Variants in FUCA2 observed in about 807,000 individuals in gnomAD.
FUCA2 encodes the protein plasma alpha-L-fucosidase.
FUCA2 carries 41 observed loss-of-function variants against 52.6 expected under a neutral mutation model. The observed-to-expected ratio is 0.78, with a 90% CI of 0.61 to 1.01. The LOEUF (loss-of-function observed/expected upper bound fraction) is 1.01, where lower values mean the gene tolerates loss of function less well. Among genes scored for constraint, FUCA2 ranks in the 50% least tolerant of loss-of-function variants. The probability of loss-of-function intolerance (pLI) is 0.00; values close to 1 mark genes in which losing one functional copy is unlikely to be tolerated. For synonymous variants in FUCA2, 211 were observed against 217.3 expected (o/e 0.97, Z 0.26); for missense variants, 507 against 569.5 (o/e 0.89, Z 1.12).
intron 2 of FUCA2, chr6:143,506,654 G>C (rs976606054): frequency 2.6e-5 from 4 of 152,226 alleles, no homozygotes; most frequent in Admixed American, 2.6e-4. Flanking sequence ...GATTTTAAAT[G>C]TGTGGGGGTT....
chr6:143,507,572 G>T lies in FUCA2; in HGVS notation c.225-148C>A. 2 of 593,856 alleles carry T rather than the reference G, an allele frequency of 3.4e-6. No homozygotes were observed. The highest frequency in any genetic ancestry group is 5.6e-6 in the Non-Finnish European group (2 of 356,476). 36.8% of individuals were successfully genotyped at this position (593,856 alleles called of 1,614,324 possible). ...CCCATTAGTTTGACTTGGCTTTAAA[G>T]ATAGCTTATGCAAACTAAACCCCCT... On this transcript the variant is annotated intron_variant, in intron 1 of 6. Transcript: ENST00000002165. This position sits in a 1 kb window ranked among gnomAD's most constrained non-coding sequence, Gnocchi z 4.5.
rs754015493 is a variant in FUCA2 at position 143,502,030 on chromosome 6, T to A, written c.1056A>T (p.Arg352=). The change falls in exon 5 of 7, where the codon CGA becomes CGT. Residue 352 remains arginine (R), a synonymous_variant. Transcript: ENST00000002165. This position sits in a 1 kb window ranked among gnomAD's most constrained non-coding sequence, Gnocchi z 4.1. The part of the protein sequence containing the change: ...DGTISVVFEE[R]LRQMGSWLKV... ...TTAGCCAGGACCCCATTTGCCTCAG[T>A]CGCTCCTCAAAAACTACAGAAATGG... 6.2e-7 allele frequency: 1 copy of A among 1,613,894 alleles called. No homozygotes were observed. The highest frequency in any genetic ancestry group is 1.1e-5 in the South Asian group (1 of 91,056).
rs147244952 is a variant in FUCA2 at position 143,501,389 on chromosome 6, C to G, written c.1154+543G>C. The stretch of plus-strand genomic sequence containing the variant: ...TCTTATTTTATATATGTTAAGAAAC[C>G]ATATCAGAAACTGTCATATTTGTGG... On this transcript the variant is annotated intron_variant, in intron 5 of 6. Coordinates refer to ENST00000002165, the MANE Select transcript of FUCA2 (RefSeq NM_032020.5). The surrounding 1 kb of genome is among the most constrained non-coding windows in gnomAD (Gnocchi z 6.1). Among the ~76,000 whole-genome samples, 96 of 152,242 alleles carry G rather than the reference C, an allele frequency of 6.3e-4. No individual in the cohort carries two copies. The highest frequency in any genetic ancestry group is 1.2e-3 in the Non-Finnish European group (81 of 68,012).
At chr6:143,505,738 C>G (rs1780596849) in intron 2 of FUCA2, 1 of 152,202 alleles carries the variant, frequency 6.6e-6, no homozygotes, top group Admixed American at 6.5e-5. Flanking sequence ...TTGACAGGCC[C>G]TAATGTCAGA....
rs1024009191 is a variant in FUCA2 at position 143,498,683 on chromosome 6, A to C, written c.1155-1186T>G. On this transcript the variant is annotated intron_variant, in intron 5 of 6. Transcript: ENST00000002165. ...GAGCCAGATTTTATAGGCCCTTGTA[A>C]GCATCTATGGGACCTGGCCTTCTCT... 2.1e-4 allele frequency among the ~76,000 whole-genome samples: 32 copies of C among 152,128 alleles called. 1 individual carries two copies. The highest frequency in any genetic ancestry group is 1.5e-5 in the Non-Finnish European group (1 of 68,004).
At position 143,500,706 on chromosome 6, in the gene FUCA2, A is replaced by T. The variant is rs1339353575; in HGVS notation, c.1154+1226T>A. 6.6e-6 allele frequency among the ~76,000 whole-genome samples: 1 copy of T among 152,220 alleles called. No individual in the cohort carries two copies. Among genetic ancestry groups the T allele is most frequent in the Non-Finnish European group, 1.5e-5 (1 of 68,044 alleles). ...AGGTCAAGCGGACAAGACCCCTAGA[A>T]GACAGGAGGTGCAGGTAATTAGAAC... is the stretch of plus-strand genomic sequence containing the variant. On this transcript the variant is annotated intron_variant, in intron 5 of 6. Coordinates refer to ENST00000002165, the MANE Select transcript of FUCA2 (RefSeq NM_032020.5). The surrounding 1 kb of genome is among the most constrained non-coding windows in gnomAD (Gnocchi z 6.9).
Position 143,507,267 on chromosome 6 carries a change from A to G in FUCA2, c.382T>C (p.Tyr128His), listed in dbSNP as rs1017539234. The G allele has an allele frequency of 6.2e-7, 1 of 1,601,224 alleles. No homozygotes were observed. The highest frequency in any genetic ancestry group is 1.4e-5 in the African/African-American group (1 of 73,800). Residue 128 changes from tyrosine (Y) to histidine (H), a missense_variant, in exon 2 of 7, where the codon TAC becomes CAC. Physicochemically the swap from Tyr to His is moderately conservative, Grantham distance 83. Coordinates refer to ENST00000002165, the MANE Select transcript of FUCA2 (RefSeq NM_032020.5). This position sits in a 1 kb window ranked among gnomAD's most constrained non-coding sequence, Gnocchi z 4.5. ...ADIFQASGAK[Y>H]IVLTSKHHEG... ...TGATGTTTGGAAGTTAAGACAATGT[A>G]TTTGGCACCAGAGGCCTGAAAAATA... is the stretch of plus-strand genomic sequence containing the variant.
rs1381908424 is a variant in FUCA2, at chr6:143,499,219, A to G, written c.1155-1722T>C. ...CACTGGAAATAGAAATGTGGAGATCATCAATATGGCATTTAAAGCCATGAA... is the reference window on the plus strand; with the variant it reads ...CACTGGAAATAGAAATGTGGAGATCGTCAATATGGCATTTAAAGCCATGAA... On this transcript the variant is annotated intron_variant, in intron 5 of 6. Coordinates refer to ENST00000002165, the MANE Select transcript of FUCA2 (RefSeq NM_032020.5). This position sits in a 1 kb window ranked among gnomAD's most constrained non-coding sequence, Gnocchi z 6.0. Among the ~76,000 whole-genome samples the G allele has an allele frequency of 1.3e-5, 2 of 152,228 alleles. No homozygotes were observed. The highest frequency in any genetic ancestry group is 2.9e-5 in the Non-Finnish European group (2 of 68,036).
rs1780627279 is a variant in FUCA2 at position 143,507,681 on chromosome 6, T to A, written c.225-257A>T. On this transcript the variant is annotated intron_variant, in intron 1 of 6. Transcript: ENST00000002165. This position sits in a 1 kb window ranked among gnomAD's most constrained non-coding sequence, Gnocchi z 4.5. ...GGCAACTCAGCTACCCATTCTCTCT[T>A]TTTTTTAAGACAGGGTCTCACTCTG... Among the ~76,000 whole-genome samples the A allele has an allele frequency of 6.6e-6, 1 of 152,104 alleles. No individual in the cohort carries two copies.
At chr6:143,496,017 C>T (rs1177228279) in intron 6 of FUCA2, among the ~76,000 whole-genome samples, 170 bp from the exon 7 acceptor site, 1 of 152,076 alleles carries the variant, frequency 6.6e-6, no homozygotes, top group East Asian at 1.9e-4. Flanking sequence ...GTGTATGTAT[C>T]TTGCCTCTAT....
chr6:143,504,037 A>C lies in FUCA2; in HGVS notation c.628T>G (p.Leu210Val). The C allele has an allele frequency of 6.2e-7, 1 of 1,614,152 alleles. No homozygotes were observed. Among genetic ancestry groups the C allele is most frequent in the Non-Finnish European group, 8.5e-7 (1 of 1,180,018 alleles). Residue 210 changes from leucine to valine, a missense_variant, in exon 3 of 7, where the codon TTG becomes GTG. Leu to Val is a conservative substitution (Grantham distance 32). Coordinates refer to ENST00000002165, the MANE Select transcript of FUCA2 (RefSeq NM_032020.5). This position sits in a 1 kb window ranked among gnomAD's most constrained non-coding sequence, Gnocchi z 4.4. ...HKRQFPVSKT[L>V]PELYELVNNY... ...TTCACTAACTCATAGAGCTCTGGCA[A>C]TGTCTTAGAAACTGGAAATTGCCGC...
At chr6:143,505,107 G>A (rs780882120) in intron 2 of FUCA2, 9 of 152,030 alleles carry the variant, frequency 5.9e-5, no homozygotes, top group Non-Finnish European at 1.3e-4. Flanking sequence ...TGTTAGAAGA[G>A]ATATATAAAC....
rs775069179 is a variant in FUCA2, at chr6:143,507,840, T to C, written c.225-416A>G. 6.6e-6 allele frequency among the ~76,000 whole-genome samples: 1 copy of C among 152,096 alleles called. No individual in the cohort carries two copies. The highest frequency in any genetic ancestry group is 6.5e-5 in the Admixed American group (1 of 15,268). Reference sequence around the variant, plus strand: ...ACGTGCCACCACACCTGGCTATTTTTTTTTTCTTTGTAGAGATGTGGTTTC... The same window carrying C: ...ACGTGCCACCACACCTGGCTATTTTCTTTTTCTTTGTAGAGATGTGGTTTC... On this transcript the variant is annotated intron_variant, in intron 1 of 6. Transcript: ENST00000002165. The surrounding 1 kb of genome is among the most constrained non-coding windows in gnomAD (Gnocchi z 4.5).
chr6:143,495,701 T>G lies in FUCA2; in HGVS notation c.*6A>C. The G allele has an allele frequency of 6.2e-7, 1 of 1,612,038 alleles. No homozygotes were observed. The highest frequency in any genetic ancestry group is 8.5e-7 in the Non-Finnish European group (1 of 1,178,406). On this transcript the variant is annotated 3_prime_UTR_variant, in exon 7 of 7. Coordinates refer to ENST00000002165, the MANE Select transcript of FUCA2 (RefSeq NM_032020.5). The surrounding 1 kb of genome is among the most constrained non-coding windows in gnomAD (Gnocchi z 5.2). ...TAACTTGCAGCATCAGCCACTCTGC[T>G]GCACTTTAGATCACATTAGTCAGGG... is the stretch of plus-strand genomic sequence containing the variant.
chr6:143,504,039 G>A lies in FUCA2; in HGVS notation c.626C>T (p.Thr209Ile). The A allele has an allele frequency of 6.2e-7, 1 of 1,614,102 alleles. No homozygotes were observed. The highest frequency in any genetic ancestry group is 8.5e-7 in the Non-Finnish European group (1 of 1,179,990). The change falls in exon 3 of 7, where the codon ACA becomes ATA. Residue 209 changes from threonine to isoleucine, a missense_variant. Physicochemically the swap from Thr to Ile is moderately conservative, Grantham distance 89. Coordinates refer to ENST00000002165, the MANE Select transcript of FUCA2 (RefSeq NM_032020.5). The surrounding 1 kb of genome is among the most constrained non-coding windows in gnomAD (Gnocchi z 4.4). ...CACTAACTCATAGAGCTCTGGCAATGTCTTAGAAACTGGAAATTGCCGCTT... is the reference window on the plus strand; with the variant it reads ...CACTAACTCATAGAGCTCTGGCAATATCTTAGAAACTGGAAATTGCCGCTT... ...FHKRQFPVSK[T>I]LPELYELVNN...
chr6:143,503,642 C>A lies in FUCA2; in HGVS notation c.752+271G>T. ...GGGTAGGAGAGAAAAAGGGGGGACC[C>A]ACAAAATTAACACCTTCAAAGTTCT... On this transcript the variant is annotated intron_variant, in intron 3 of 6. Coordinates refer to ENST00000002165, the MANE Select transcript of FUCA2 (RefSeq NM_032020.5). The surrounding 1 kb of genome is among the most constrained non-coding windows in gnomAD (Gnocchi z 4.8). The A allele has an allele frequency of 2.9e-6, 1 of 340,264 alleles. No homozygotes were observed. The highest frequency in any genetic ancestry group is 5.4e-6 in the Non-Finnish European group (1 of 186,666). The allele number at this position is 340,264 out of a possible 1,614,324, so 21.1% of individuals were successfully genotyped here. A position where few individuals can be genotyped will look rare whatever the true frequency, so the allele number is the denominator to read the frequency against.
In FUCA2 at chr6:143,507,323, G is replaced by A. The variant is rs761344588; in HGVS notation, c.326C>T (p.Ala109Val). The A allele has an allele frequency of 1.2e-6, 2 of 1,609,874 alleles. No individual in the cohort carries two copies. The highest frequency in any genetic ancestry group is 1.1e-5 in the South Asian group (1 of 89,614). Residue 109 changes from alanine to valine, a missense_variant, in exon 2 of 7, where the codon GCA becomes GTA. By Grantham distance (64) the Ala-to-Val change is moderately conservative. Coordinates refer to ENST00000002165, the MANE Select transcript of FUCA2 (RefSeq NM_032020.5). The surrounding 1 kb of genome is among the most constrained non-coding windows in gnomAD (Gnocchi z 4.5). ...KYEDFGPLFTAKFFNANQWAD... is the reference protein window; with the variant it reads ...KYEDFGPLFTVKFFNANQWAD... ...CCACTGGTTGGCATTAAAAAATTTT[G>A]CTGTAAATAGTGGTCCAAAATCTTC...
Position 143,510,353 on chromosome 6 carries a change from T to C in FUCA2, c.224+1058A>G, listed in dbSNP as rs1024008422. ...AATACTGTTTAATGATTCCGTTCTT[T>C]TACTTAAGAATATATTATGTGTCCC... On this transcript the variant is annotated intron_variant, in intron 1 of 6. Transcript: ENST00000002165. The surrounding 1 kb of genome is among the most constrained non-coding windows in gnomAD (Gnocchi z 4.4). Among the ~76,000 whole-genome samples, 8 of 152,160 alleles carry C rather than the reference T, an allele frequency of 5.3e-5. No homozygotes were observed. The highest frequency in any genetic ancestry group is 5.2e-4 in the Admixed American group (8 of 15,278).
rs1232424743 is a variant in FUCA2, at chr6:143,495,183, A to G, written c.*524T>C. 1.3e-5 allele frequency: 2 copies of G among 152,334 alleles called. No individual in the cohort carries two copies. Among genetic ancestry groups the G allele is most frequent in the Non-Finnish European group, 1.5e-5 (1 of 68,146 alleles). 9.4% of individuals were successfully genotyped at this position (152,334 alleles called of 1,614,324 possible). ...AAATACCACTGTTACTATTGCCTAC[A>G]GTATTCAGTAACATGCTGTATATGT... On this transcript the variant is annotated 3_prime_UTR_variant, in exon 7 of 7. Transcript: ENST00000002165. The surrounding 1 kb of genome is among the most constrained non-coding windows in gnomAD (Gnocchi z 5.2).
Sources: allele counts gnomAD v4.1 joint callset (sites outside exome capture counted in the v4.1 genomes callset), GRCh38; gene constraint gnomAD v4.1.1; non-coding constraint Gnocchi (gnomAD v3.1); transcripts MANE v1.5; gene names NCBI Gene and HGNC (gene_info 2026-07-23, HGNC 2026-07-21).